The following CFAP299 variants were observed in gnomAD, a reference collection of about 807,000 sequenced individuals.
The protein encoded by CFAP299 is cilia- and flagella-associated protein 299.
CFAP299 carries 21 observed loss-of-function variants against 27.0 expected under a neutral mutation model. That is an observed-to-expected ratio of 0.78 (90% CI 0.55 to 1.12). The LOEUF (loss-of-function observed/expected upper bound fraction) is 1.12. Among genes scored for constraint, CFAP299 ranks in the 50% most tolerant of loss-of-function variants. CFAP299 has a pLI of 0.00. For missense variants in CFAP299, 310 were observed against 276.6 expected (o/e 1.12, Z -0.86); for synonymous variants, 104 against 98.1 (o/e 1.06, Z -0.36).
chr4:80,705,760 T>C (rs1309670002), intron 3 of CFAP299, among the ~76,000 whole-genome samples: 1 of 151,914 alleles, frequency 6.6e-6, no homozygotes, highest in Non-Finnish European at 1.5e-5. Context: ...CCTAATTATC[T>C]AACAATTGGA....
chr4:80,777,023 C>T (rs1361181015), intron 3 of CFAP299, among the ~76,000 whole-genome samples: 1 of 151,930 alleles, frequency 6.6e-6, no homozygotes, highest in East Asian at 1.9e-4. Flanking sequence ...ACTGGTTGCT[C>T]TACTATCATG....
At chr4:80,834,801 A>G (rs1295271961) in intron 3 of CFAP299, among the ~76,000 whole-genome samples, 1 of 152,140 alleles carries the variant, frequency 6.6e-6, no homozygotes, top group Non-Finnish European at 1.5e-5. Flanking sequence ...GGTGCTTGTC[A>G]TCGGTACTTG....
At chr4:80,467,743 G>T (rs1358581149) in intron 2 of CFAP299, among the ~76,000 whole-genome samples, 1 of 152,160 alleles carries the variant, frequency 6.6e-6, no homozygotes, top group Non-Finnish European at 1.5e-5. Context: ...CCTAAGGCTG[G>T]GTAATTTATA....
At chr4:80,748,802 A>G (rs1028302240) in intron 3 of CFAP299, among the ~76,000 whole-genome samples, 6 of 152,178 alleles carry the variant, frequency 3.9e-5, no homozygotes, top group Non-Finnish European at 8.8e-5. Context: ...TTGCCCTGAC[A>G]TAAAGATTAT....
chr4:80,436,030 G>C (rs1272260465), intron 2 of CFAP299, among the ~76,000 whole-genome samples: 1 of 152,182 alleles, frequency 6.6e-6, no homozygotes, highest in Non-Finnish European at 1.5e-5. Context: ...TTTCCTCTCT[G>C]TGGAGGTGAC....
intron 2 of CFAP299, among the ~76,000 whole-genome samples, chr4:80,469,740 A>C (rs138531166): frequency 1.4e-4 from 22 of 152,198 alleles, no homozygotes; most frequent in African/African-American, 5.1e-4. Flanking sequence ...ATAATTTATC[A>C]TGCTGTTATT....
At chr4:80,952,207 G>A (rs1560490757) in intron 5 of CFAP299, among the ~76,000 whole-genome samples, 1 of 152,136 alleles carries the variant, frequency 6.6e-6, no homozygotes, top group Non-Finnish European at 1.5e-5. Context: ...CCTGCACATG[G>A]TAGGTGTTCA....
intron 2 of CFAP299, among the ~76,000 whole-genome samples, chr4:80,408,796 T>C (rs1726559707): frequency 1.3e-5 from 2 of 149,216 alleles, no homozygotes; most frequent in Non-Finnish European, 3.0e-5. Context: ...CTTACTTTTT[T>C]AAAAATTGAA....
At chr4:80,700,813 A>G (rs1267604228) in intron 3 of CFAP299, among the ~76,000 whole-genome samples, 1 of 152,120 alleles carries the variant, frequency 6.6e-6, no homozygotes, top group Non-Finnish European at 1.5e-5. Context: ...TAGATTTAAT[A>G]TCTACAGACT....
rs1462367320 is a variant in CFAP299 at position 80,677,177 on chromosome 4, A to G, written c.333+93994A>G. On this transcript the variant is annotated intron_variant, in intron 3 of 5. Transcript: ENST00000358105. ...TTCATTAGTTTCAAGAATATTTTAA[A>G]ATTTTCTTCTTTATTTCTTCATTCA... is the stretch of plus-strand genomic sequence containing the variant. Among the ~76,000 whole-genome samples the G allele has an allele frequency of 2.0e-5, 3 of 151,868 alleles. No individual in the cohort carries two copies. In the South Asian group the frequency reaches 6.2e-4, roughly 31 times the overall value.
intron 3 of CFAP299, among the ~76,000 whole-genome samples, chr4:80,699,437 A>G (rs1372502604): frequency 1.3e-5 from 2 of 152,296 alleles, no homozygotes; most frequent in African/African-American, 2.4e-5. Context: ...AAGCACAATT[A>G]CTACTGCACC....
In CFAP299 at chr4:80,529,558, T is replaced by A. The variant is rs150775741; in HGVS notation, c.243-53535T>A. On this transcript the variant is annotated intron_variant, in intron 2 of 5. Transcript: ENST00000358105. The stretch of plus-strand genomic sequence containing the variant: ...GGTCCTGGTACTGTGGTTTAATCAA[T>A]GCTGAAATACAGTCCTCTGAGTGGC... 3.0e-3 allele frequency among the ~76,000 whole-genome samples: 456 copies of A among 152,328 alleles called. 3 individuals are homozygous for A. Among genetic ancestry groups the A allele is most frequent in the African/African-American group, 0.011 (439 of 41,576 alleles).
At position 80,963,519 on chromosome 4, in the gene CFAP299, G is replaced by A. The variant is rs1245927435; in HGVS notation, c.609G>A (p.Ala203=). 5.2e-5 allele frequency: 82 copies of A among 1,582,812 alleles called. No individual in the cohort carries two copies. The highest frequency in any genetic ancestry group is 1.7e-4 in the Middle Eastern group (1 of 6,000). The change falls in exon 6 of 6, where the codon GCG becomes GCA. Residue 203 remains alanine (A), a splice_region_variant and synonymous_variant. Coordinates refer to ENST00000358105, the MANE Select transcript of CFAP299 (RefSeq NM_152770.3). The part of the protein sequence containing the change: ...DRKILNVDPK[A]QPGDNSTRIT... ...ACAATGTAATTTATGTATTTTAGGCGCAGCCAGGTGACAACTCTACTAGAA... is the reference window on the plus strand; with the variant it reads ...ACAATGTAATTTATGTATTTTAGGCACAGCCAGGTGACAACTCTACTAGAA...
At chr4:80,820,735 G>T (rs536686210) in intron 3 of CFAP299, among the ~76,000 whole-genome samples, 1 of 152,270 alleles carries the variant, frequency 6.6e-6, no homozygotes, top group East Asian at 1.9e-4. Flanking sequence ...CATTCTCTTT[G>T]CGTCCGCATT....
intron 3 of CFAP299, among the ~76,000 whole-genome samples, chr4:80,714,853 G>T (rs1211863076): frequency 2.0e-5 from 3 of 152,062 alleles, no homozygotes; most frequent in South Asian, 2.1e-4. Flanking sequence ...TAGGAAAATT[G>T]AGCCCGTTTT....
intron 2 of CFAP299, among the ~76,000 whole-genome samples, chr4:80,561,657 CTG>C (rs1735040122): frequency 2.0e-5 from 3 of 151,910 alleles, no homozygotes; most frequent in Admixed American, 1.3e-4. Context: ...AAAAATGTGA[CTG>C]TCATACTGAA....
intron 3 of CFAP299, among the ~76,000 whole-genome samples, chr4:80,845,304 T>C (rs1731121235): frequency 6.6e-6 from 1 of 151,720 alleles, no homozygotes; most frequent in Non-Finnish European, 1.5e-5. Context: ...AAAAGACCGT[T>C]CAAGTTTTTC....
chr4:80,581,747 G>C (rs1736187031), intron 2 of CFAP299, among the ~76,000 whole-genome samples: 1 of 151,506 alleles, frequency 6.6e-6, no homozygotes, highest in Non-Finnish European at 1.5e-5. Context: ...CTAAAGGTTT[G>C]TGATAGTCCC....
intron 2 of CFAP299, among the ~76,000 whole-genome samples, chr4:80,525,162 A>T (rs1319402575): frequency 6.6e-6 from 1 of 152,102 alleles, no homozygotes; most frequent in Non-Finnish European, 1.5e-5. Flanking sequence ...CTCATATCAC[A>T]TAATGTCATG....
Sources: allele counts gnomAD v4.1 joint callset (sites outside exome capture counted in the v4.1 genomes callset), GRCh38; gene constraint gnomAD v4.1.1; transcripts MANE v1.5; gene names NCBI Gene and HGNC (gene_info 2026-07-23, HGNC 2026-07-21).